The following PAPPA variants were observed in gnomAD, a reference collection of about 807,000 sequenced individuals.
PAPPA encodes pappalysin 1, also known as pappalysin-1.
A neutral mutation model predicts 164.0 loss-of-function variants in PAPPA; 60 were observed. That is an observed-to-expected ratio of 0.37 (90% CI 0.30 to 0.45). The LOEUF (loss-of-function observed/expected upper bound fraction) is 0.45, where lower values mean the gene tolerates loss of function less well. PAPPA is among the 20% of genes least tolerant of loss of function. The pLI is 1.00. For synonymous variants in PAPPA, 875 were observed against 814.1 expected (o/e 1.07, Z -1.27); for missense variants, 1,782 against 2,087.3 (o/e 0.85, Z 2.85).
chr9:116,268,251 T>A (rs1302781994), intron 8 of PAPPA, among the ~76,000 whole-genome samples: 1 of 152,184 alleles, frequency 6.6e-6, no homozygotes, highest in African/African-American at 2.4e-5. Context: ...AGATCCACAT[T>A]CATATGAAGC....
chr9:116,372,686 C>G (rs1271428754), intron 19 of PAPPA, among the ~76,000 whole-genome samples: 2 of 151,824 alleles, frequency 1.3e-5, no homozygotes, highest in Admixed American at 1.3e-4. Context: ...GGTGCTGAGA[C>G]CTTGGCTTTT....
In PAPPA at chr9:116,398,566, AC is replaced by A. The variant is rs1044920438; in HGVS notation, c.*1951del. On this transcript the variant is annotated 3_prime_UTR_variant, in exon 22 of 22. Coordinates refer to ENST00000328252, the MANE Select transcript of PAPPA (RefSeq NM_002581.5). The stretch of plus-strand genomic sequence containing the variant: ...AATAGCACTGACCTGGTGATCAAAA[AC>A]ACTTGAGAAGACATCTATTGGCCAT... 31 of 1,282,938 alleles carry A rather than the reference AC, an allele frequency of 2.4e-5. No homozygotes were observed. In the African/African-American group the frequency reaches 3.0e-4, roughly 13 times the overall value. 79.5% of individuals were successfully genotyped at this position (1,282,938 alleles called of 1,614,324 possible).
intron 2 of PAPPA, among the ~76,000 whole-genome samples, chr9:116,202,526 G>A (rs1252610918): frequency 6.6e-6 from 1 of 152,076 alleles, no homozygotes; most frequent in Non-Finnish European, 1.5e-5. Context: ...ACATTCCAGG[G>A]GACCCGCAAT....
At chr9:116,161,104 G>A (rs1413797561) in intron 1 of PAPPA, among the ~76,000 whole-genome samples, 1 of 152,222 alleles carries the variant, frequency 6.6e-6, no homozygotes, top group Non-Finnish European at 1.5e-5. Context: ...GAGCTAGAAA[G>A]TGAGAGATGT....
At chr9:116,303,158 T>A (rs1372262597) in intron 10 of PAPPA, among the ~76,000 whole-genome samples, 4 of 152,218 alleles carry the variant, frequency 2.6e-5, no homozygotes, top group Admixed American at 2.0e-4. Flanking sequence ...GATAGGGTAA[T>A]GACTGTCCTC....
chr9:116,201,460 A>G (rs1452608459), intron 2 of PAPPA, among the ~76,000 whole-genome samples: 1 of 152,168 alleles, frequency 6.6e-6, no homozygotes, highest in Non-Finnish European at 1.5e-5. Context: ...GAAGAAGGTA[A>G]ACACATTAAT....
chr9:116,389,104 TC>T (rs1238698776), intron 21 of PAPPA, among the ~76,000 whole-genome samples: 1 of 151,770 alleles, frequency 6.6e-6, no homozygotes, highest in Non-Finnish European at 1.5e-5. Flanking sequence ...CAGTGTCTCT[TC>T]TTGACCTAGC....
chr9:116,235,839 G>C (rs932202607), intron 7 of PAPPA, among the ~76,000 whole-genome samples: 1 of 152,114 alleles, frequency 6.6e-6, no homozygotes. Flanking sequence ...GGAACCATTA[G>C]ACCTGGATTT....
At chr9:116,294,218 G>A (rs978871365) in intron 9 of PAPPA, among the ~76,000 whole-genome samples, 1 of 152,158 alleles carries the variant, frequency 6.6e-6, no homozygotes, top group Non-Finnish European at 1.5e-5. Flanking sequence ...GTTTGTTGGA[G>A]GATGCTTGAT....
intron 9 of PAPPA, among the ~76,000 whole-genome samples, chr9:116,281,314 G>A (rs950112301): frequency 1.2e-4 from 19 of 152,116 alleles, no homozygotes; most frequent in Non-Finnish European, 2.5e-4. Context: ...GAGACAGCGC[G>A]AGGAGTTAGA....
At position 116,401,699 on chromosome 9, in the gene PAPPA, A is replaced by G. The variant is rs549300461; in HGVS notation, c.*5083A>G. 31 of 151,690 alleles carry G rather than the reference A, an allele frequency of 2.0e-4. No individual in the cohort carries two copies. Among genetic ancestry groups the G allele is most frequent in the African/African-American group, 7.2e-4 (30 of 41,406 alleles). The allele number at this position is 151,690 out of a possible 1,614,324, so 9.4% of individuals were successfully genotyped here. A position where few individuals can be genotyped will look rare whatever the true frequency, so the allele number is the denominator to read the frequency against. ...CTTCCATATTTATGTACCATATTAT[A>G]CCTTTTTATTATTGTTATAATTATT... On this transcript the variant is annotated 3_prime_UTR_variant, in exon 22 of 22. Transcript: ENST00000328252.
chr9:116,226,067 T>C (rs1166910361), intron 5 of PAPPA, among the ~76,000 whole-genome samples: 1 of 152,070 alleles, frequency 6.6e-6, no homozygotes, highest in Non-Finnish European at 1.5e-5. Context: ...AGGAGAAACA[T>C]CAGCCAAGTG....
At chr9:116,182,687 T>TTGAATGAGTAGATGAGAAGAAAAAGA (rs1843921329) in intron 1 of PAPPA, among the ~76,000 whole-genome samples, 2 of 152,112 alleles carry the variant, frequency 1.3e-5, no homozygotes, top group Non-Finnish European at 2.9e-5. Flanking sequence ...TGGGATGAGA[T>TTGAATGAGTAGATGAGAAGAAAAAGA]TGAATGAGTA....
chr9:116,155,146 C>T lies in PAPPA; in HGVS notation c.415+559C>T, dbSNP rs78174564. 6.5e-3 allele frequency among the ~76,000 whole-genome samples: 989 copies of T among 152,288 alleles called. 44 individuals are homozygous for T. In the East Asian group the frequency reaches 0.12, roughly 19 times the overall value. ...TGCCTCTGGGACTCACCCTCACCCC[C>T]TCCACGCCATCCCATGTCCTAGCTT... On this transcript the variant is annotated intron_variant, in intron 1 of 21. Transcript: ENST00000328252.
chr9:116,155,272 C>T lies in PAPPA; in HGVS notation c.415+685C>T, dbSNP rs867808363. 3.3e-5 allele frequency among the ~76,000 whole-genome samples: 5 copies of T among 152,320 alleles called. No individual in the cohort carries two copies. The South Asian group carries it at 1.0e-3, about 32-fold the overall frequency. On this transcript the variant is annotated intron_variant, in intron 1 of 21. Coordinates refer to ENST00000328252, the MANE Select transcript of PAPPA (RefSeq NM_002581.5). ...CGGCTGCGAAACGGGGCGCTTTTCT[C>T]ATATGGGACTTTATGAGCCCGTAAT...
chr9:116,273,964 C>T (rs934573130), intron 9 of PAPPA, among the ~76,000 whole-genome samples: 1 of 152,058 alleles, frequency 6.6e-6, no homozygotes, highest in Non-Finnish European at 1.5e-5. Flanking sequence ...TACTGAACTG[C>T]TCTTTCAAAA....
intron 7 of PAPPA, among the ~76,000 whole-genome samples, chr9:116,254,781 CAAAAA>C (rs143327103): frequency 1.7e-5 from 1 of 60,358 alleles, no homozygotes; most frequent in African/African-American, 6.8e-5. Flanking sequence ...GACTCCGTCT[CAAAAA>C]AAAAAAAAAA....
chr9:116,210,506 C>T (rs544563095), intron 3 of PAPPA, among the ~76,000 whole-genome samples: 7 of 152,322 alleles, frequency 4.6e-5, no homozygotes, highest in Admixed American at 4.6e-4. Context: ...AAAGTACCTA[C>T]TTTCAAGGTT....
chr9:116,380,156 T>C (rs1846709124), intron 20 of PAPPA, among the ~76,000 whole-genome samples: 1 of 152,232 alleles, frequency 6.6e-6, no homozygotes, highest in East Asian at 1.9e-4. Context: ...GTGATTAAAG[T>C]CTGTCTCTTC....
Sources: allele counts gnomAD v4.1 joint callset (sites outside exome capture counted in the v4.1 genomes callset), GRCh38; gene constraint gnomAD v4.1.1; transcripts MANE v1.5; gene names NCBI Gene and HGNC (gene_info 2026-07-23, HGNC 2026-07-21).